The following TRPM8 variants were observed in gnomAD, a reference collection of about 807,000 sequenced individuals.
The protein encoded by TRPM8 is transient receptor potential cation channel subfamily M member 8.
Under a neutral mutation model 133.7 loss-of-function variants are expected in TRPM8, and 110 were observed. The observed-to-expected ratio is 0.82, with a 90% CI of 0.70 to 0.96. The LOEUF (loss-of-function observed/expected upper bound fraction) is 0.96, where lower values mean the gene tolerates loss of function less well. TRPM8 is among the 40% of genes least tolerant of loss of function. The pLI is 0.00. For synonymous variants in TRPM8, 535 were observed against 532.3 expected (o/e 1.01, Z -0.07); for missense variants, 1,291 against 1,379.5 (o/e 0.94, Z 1.02).
intron 17 of TRPM8, among the ~76,000 whole-genome samples, chr2:233,971,712 T>C (rs112487242): frequency 6.6e-6 from 1 of 152,076 alleles, no homozygotes; most frequent in Non-Finnish European, 1.5e-5. Context: ...GTGGTCTCGC[T>C]GGCTCAGGAG....
At chr2:233,923,361 C>A (rs1691448805) in intron 1 of TRPM8, among the ~76,000 whole-genome samples, 1 of 152,142 alleles carries the variant, frequency 6.6e-6, no homozygotes, top group South Asian at 2.1e-4. Flanking sequence ...TTTGGAAAGG[C>A]CTGTTACTGA....
At chr2:233,967,525 G>A (rs1053820557) in intron 15 of TRPM8, among the ~76,000 whole-genome samples, 1 of 152,210 alleles carries the variant, frequency 6.6e-6, no homozygotes, top group East Asian at 1.9e-4. Flanking sequence ...GCTCAGAGAG[G>A]TTCTGGAATG....
chr2:234,002,714 G>A (rs932644201), intron 22 of TRPM8, among the ~76,000 whole-genome samples: 56 of 152,296 alleles, frequency 3.7e-4, no homozygotes, highest in African/African-American at 1.3e-3. Context: ...TGGAGTTAAG[G>A]GCAATTTGGA....
Position 233,942,760 on chromosome 2 carries a change from A to G in TRPM8, c.699+12A>G. 1 of 1,613,784 alleles carries G rather than the reference A, an allele frequency of 6.2e-7. No homozygotes were observed. The highest frequency in any genetic ancestry group is 8.5e-7 in the Non-Finnish European group (1 of 1,180,012). ...ATTGCGATGCTGAGGTACCGGTGGG[A>G]CAGGAGGAGGTCTGCTAGGTCACAT... On this transcript the variant is annotated intron_variant, in intron 6 of 25. Coordinates refer to ENST00000324695, the MANE Select transcript of TRPM8 (RefSeq NM_024080.5).
chr2:234,006,965 TC>T lies in TRPM8; in HGVS notation c.3230+16del. 1.2e-6 allele frequency: 2 copies of T among 1,603,774 alleles called. No homozygotes were observed. Among genetic ancestry groups the T allele is most frequent in the Non-Finnish European group, 1.7e-6 (2 of 1,170,956 alleles). On this transcript the variant is annotated intron_variant, in intron 23 of 25. Coordinates refer to ENST00000324695, the MANE Select transcript of TRPM8 (RefSeq NM_024080.5). ...ACACCTCAGAGGAGTATGTCAGACA[TC>T]CCTTTCTGCTTTGCAAGGCTCCCTC...
chr2:233,944,825 T>C (rs1691002902), intron 6 of TRPM8, among the ~76,000 whole-genome samples: 1 of 152,232 alleles, frequency 6.6e-6, no homozygotes, highest in Non-Finnish European at 1.5e-5. Context: ...GCACTTACTA[T>C]GTACTAGGTT....
At chr2:233,924,294 C>T (rs187121259) in intron 1 of TRPM8, among the ~76,000 whole-genome samples, 4 of 152,230 alleles carry the variant, frequency 2.6e-5, no homozygotes, top group East Asian at 1.9e-4. Flanking sequence ...TTCTCCCTGG[C>T]GCATGACGCA....
At chr2:233,983,637 C>CGTTA in intron 20 of TRPM8, among the ~76,000 whole-genome samples, 1 of 152,294 alleles carries the variant, frequency 6.6e-6, no homozygotes, top group Admixed American at 6.5e-5. Flanking sequence ...TTCTGGCGTG[C>CGTTA]GTTAGCCCAC....
rs1245735787 is a variant in TRPM8 at position 233,960,917 on chromosome 2, A to G, written c.1504A>G (p.Ser502Gly). ...VLTELFSNHFSTLVYRNLQIA... is the reference protein window; with the variant it reads ...VLTELFSNHFGTLVYRNLQIA... ...CACTGAACTCTTCTCCAACCACTTCAGCACGCTTGTGTACCGGAATCTGCA... is the reference window on the plus strand; with the variant it reads ...CACTGAACTCTTCTCCAACCACTTCGGCACGCTTGTGTACCGGAATCTGCA... The change falls in exon 12 of 26, where the codon AGC (serine) becomes GGC (glycine). Residue 502 changes from serine to glycine, a missense_variant. Physicochemically the swap from Ser to Gly is moderately conservative, Grantham distance 56. This residue lies in a region of TRPM8 where 963 missense variants were observed against 968.9 expected (regional missense o/e 0.99). Coordinates refer to ENST00000324695, the MANE Select transcript of TRPM8 (RefSeq NM_024080.5). The G allele has an allele frequency of 6.2e-7, 1 of 1,614,076 alleles. No homozygotes were observed. Among genetic ancestry groups the G allele is most frequent in the Non-Finnish European group, 8.5e-7 (1 of 1,180,052 alleles).
intron 25 of TRPM8, 88 bp downstream of exon 25, chr2:234,014,742 T>G (rs1299210749): frequency 9.7e-6 from 5 of 514,606 alleles, no homozygotes; most frequent in Non-Finnish European, 1.7e-5. Context: ...CCTCAGTTAT[T>G]TTATTTCCAT....
At chr2:234,015,002 G>T (rs1354688143) in intron 25 of TRPM8, among the ~76,000 whole-genome samples, 4 of 152,084 alleles carry the variant, frequency 2.6e-5, no homozygotes, top group African/African-American at 9.7e-5. Flanking sequence ...GTTATTTTTT[G>T]ATCTTCCTTA....
chr2:233,978,724 C>T (rs1691932081), intron 17 of TRPM8, among the ~76,000 whole-genome samples: 1 of 152,108 alleles, frequency 6.6e-6, no homozygotes, highest in Non-Finnish European at 1.5e-5. Flanking sequence ...CAATAAACAT[C>T]CTATTTACTG....
chr2:233,950,662 G>C (rs749299051), intron 9 of TRPM8, among the ~76,000 whole-genome samples: 20 of 152,230 alleles, frequency 1.3e-4, no homozygotes, highest in Non-Finnish European at 2.9e-4. Flanking sequence ...CAGGGCACTA[G>C]TGCTTTGCAA....
At chr2:233,992,580 C>T (rs1692306126) in intron 21 of TRPM8, among the ~76,000 whole-genome samples, 2 of 152,180 alleles carry the variant, frequency 1.3e-5, no homozygotes, top group South Asian at 4.1e-4. Context: ...CCTCTCCTTC[C>T]TCCTCCTCTC....
intron 22 of TRPM8, among the ~76,000 whole-genome samples, chr2:234,002,344 C>T (rs139084902): frequency 2.0e-4 from 30 of 152,172 alleles, no homozygotes; most frequent in Middle Eastern, 3.4e-3. Flanking sequence ...ATTTTAGCTC[C>T]ATACGGTCCC....
At chr2:233,982,263 G>A (rs1692028515) in intron 19 of TRPM8, among the ~76,000 whole-genome samples, 1 of 152,200 alleles carries the variant, frequency 6.6e-6, no homozygotes, top group Non-Finnish European at 1.5e-5. Flanking sequence ...TTGAGTCCAA[G>A]GAGGAGTGTT....
intron 20 of TRPM8, 123 bp downstream of exon 20, chr2:233,983,347 A>C: frequency 9.0e-7 from 1 of 1,111,092 alleles, no homozygotes; most frequent in Non-Finnish European, 1.3e-6. Flanking sequence ...GTCCAACATA[A>C]CAGAGTAAAA....
rs1200929781 is a variant in TRPM8 at position 233,939,133 on chromosome 2, C to A, written c.484C>A (p.Arg162Ser). 7 of 1,614,142 alleles carry A rather than the reference C, an allele frequency of 4.3e-6. No individual in the cohort carries two copies. Among genetic ancestry groups the A allele is most frequent in the South Asian group, 3.3e-5 (3 of 91,084 alleles). ...GAACTTCGCCCTGAAGCCGCGCATG[C>A]GCAAGATCTTCAGCCGGCTCATCTA... The part of the protein sequence containing the change: ...AKNFALKPRM[R>S]KIFSRLIYIA... Residue 162 changes from arginine to serine, a missense_variant, in exon 5 of 26, where the codon CGC becomes AGC. Around this residue, in one of 2 missense-constraint regions of TRPM8, gnomAD observed 963 missense variants for 968.9 expected, o/e 0.99. Transcript: ENST00000324695.
At chr2:233,938,629 A>T (rs1046745370) in intron 4 of TRPM8, among the ~76,000 whole-genome samples, 1 of 152,158 alleles carries the variant, frequency 6.6e-6, no homozygotes, top group African/African-American at 2.4e-5. Context: ...GGTCATAAGT[A>T]GATAAGAGAC....
Sources: allele counts gnomAD v4.1 joint callset (sites outside exome capture counted in the v4.1 genomes callset), GRCh38; gene constraint gnomAD v4.1.1; regional missense constraint gnomAD v4.1.1; transcripts MANE v1.5; gene names NCBI Gene and HGNC (gene_info 2026-07-23, HGNC 2026-07-21).